Variants in PDE1C observed in about 807,000 individuals in gnomAD.
PDE1C encodes the protein phosphodiesterase 1C.
Under a neutral mutation model 93.1 loss-of-function variants are expected in PDE1C, and 62 were observed. That is an observed-to-expected ratio of 0.67 (90% CI 0.54 to 0.82). The LOEUF (loss-of-function observed/expected upper bound fraction) is 0.82, where lower values mean the gene tolerates loss of function less well. PDE1C is among the 40% of genes least tolerant of loss of function. The pLI, the probability that PDE1C is intolerant of heterozygous loss-of-function variation, is 0.00. For synonymous variants in PDE1C, 325 were observed against 310.1 expected (o/e 1.05, Z -0.50); for missense variants, 742 against 884.6 (o/e 0.84, Z 2.04).
chr7:31,843,793 T>A (rs1230673082), intron 9 of PDE1C, among the ~76,000 whole-genome samples: 1 of 151,852 alleles, frequency 6.6e-6, no homozygotes, highest in Non-Finnish European at 1.5e-5. Flanking sequence ...ATTTTTTGTA[T>A]TATTTATTTT....
rs536784063 is a variant in PDE1C, at chr7:32,278,762, T to C, written c.85+19889A>G. On this transcript the variant is annotated intron_variant, in intron 1 of 18. Transcript: ENST00000396193. ...GCCATGTTGAAAAGGGATGTTCAGA[T>C]ACACAAGCTCTTAAGACACACAGGA... Among the ~76,000 whole-genome samples, 9 of 152,362 alleles carry C rather than the reference T, an allele frequency of 5.9e-5. No homozygotes were observed. In the South Asian group the frequency reaches 1.9e-3, roughly 32 times the overall value.
chr7:32,042,841 C>T (rs960110818), intron 2 of PDE1C, among the ~76,000 whole-genome samples: 3 of 152,166 alleles, frequency 2.0e-5, no homozygotes, highest in African/African-American at 4.8e-5. Context: ...ACCTAGACTT[C>T]CTCCTGGAAG....
chr7:32,191,215 T>G (rs1303937506), intron 2 of PDE1C, among the ~76,000 whole-genome samples: 1 of 152,220 alleles, frequency 6.6e-6, no homozygotes. Context: ...AGAAATAATA[T>G]GGAGATTCCC....
chr7:32,213,608 A>G (rs1806216998), intron 1 of PDE1C, among the ~76,000 whole-genome samples: 1 of 152,184 alleles, frequency 6.6e-6, no homozygotes, highest in Non-Finnish European at 1.5e-5. Context: ...AGGCTTCTCC[A>G]CTGGCACAGG....
At chr7:31,991,388 C>T (rs954085040) in intron 2 of PDE1C, among the ~76,000 whole-genome samples, 22 of 152,148 alleles carry the variant, frequency 1.4e-4, no homozygotes, top group Non-Finnish European at 8.8e-5. Flanking sequence ...CTGAGGCTCT[C>T]GTGCTATACA....
chr7:32,073,228 A>T (rs1409013316), upstream of PDE1C, among the ~76,000 whole-genome samples: 1 of 151,968 alleles, frequency 6.6e-6, no homozygotes, highest in Non-Finnish European at 1.5e-5. Context: ...GAGCAAAAAC[A>T]TTTTTTTTAA....
chr7:32,054,914 C>T (rs1394026218), intron 1 of PDE1C, among the ~76,000 whole-genome samples: 1 of 152,124 alleles, frequency 6.6e-6, no homozygotes, highest in Non-Finnish European at 1.5e-5. Context: ...TGACTGAGCC[C>T]TACTCATCCT....
chr7:31,759,412 G>C (rs80114777), intron 17 of PDE1C, among the ~76,000 whole-genome samples: 2 of 152,146 alleles, frequency 1.3e-5, no homozygotes, highest in South Asian at 4.2e-4. Context: ...TACAATCCCC[G>C]ACCACTAGTG....
At chr7:31,948,323 C>T (rs1374900514) in intron 2 of PDE1C, among the ~76,000 whole-genome samples, 3 of 152,172 alleles carry the variant, frequency 2.0e-5, no homozygotes, top group Non-Finnish European at 4.4e-5. Flanking sequence ...GATATCTTAG[C>T]TGGTTGGCAA....
chr7:31,811,136 CAT>C (rs1438785817), intron 15 of PDE1C, among the ~76,000 whole-genome samples: 1 of 152,056 alleles, frequency 6.6e-6, no homozygotes, highest in Non-Finnish European at 1.5e-5. Flanking sequence ...CAGTTTCCCC[CAT>C]ACTGTTCTTG....
At chr7:32,363,365 C>T (rs1784173095) in intron 1 of PDE1C, among the ~76,000 whole-genome samples, 1 of 152,226 alleles carries the variant, frequency 6.6e-6, no homozygotes, top group African/African-American at 2.4e-5. Flanking sequence ...CAGCAAGTAA[C>T]CAGCAGAGCT....
chr7:31,799,215 C>T (rs1785684179), intron 16 of PDE1C, among the ~76,000 whole-genome samples: 1 of 151,638 alleles, frequency 6.6e-6, no homozygotes, highest in Non-Finnish European at 1.5e-5. Flanking sequence ...ATACATGTGT[C>T]AGTTCTACCC....
intron 3 of PDE1C, among the ~76,000 whole-genome samples, chr7:32,089,193 G>A (rs1302201407): frequency 6.6e-6 from 1 of 152,162 alleles, no homozygotes; most frequent in African/African-American, 2.4e-5. Flanking sequence ...AGTAATAGAA[G>A]TATAGTACTA....
intron 2 of PDE1C, among the ~76,000 whole-genome samples, chr7:31,965,990 G>C (rs562042058): frequency 6.6e-6 from 1 of 152,294 alleles, no homozygotes; most frequent in South Asian, 2.1e-4. Flanking sequence ...ACCAGTACCA[G>C]CCACTGCAAA....
chr7:32,145,234 G>A (rs1011632628), intron 3 of PDE1C, among the ~76,000 whole-genome samples: 1 of 152,166 alleles, frequency 6.6e-6, no homozygotes, highest in African/African-American at 2.4e-5. Context: ...GGAGAGGAAC[G>A]AGGGACCTGA....
the PDE1C span, chr7:31,642,541 A>G: frequency 6.4e-5 from 48 of 750,324 alleles, no homozygotes; most frequent in African/African-American, 8.8e-5. Context: ...ACCTTGGTAA[A>G]GAGGTAAACA....
chr7:32,178,534 A>C (rs1474734989), intron 2 of PDE1C, among the ~76,000 whole-genome samples: 3 of 152,216 alleles, frequency 2.0e-5, no homozygotes, highest in African/African-American at 7.2e-5. Context: ...TTTCTCAATA[A>C]TATCAAAAAC....
chr7:31,638,263 G>T, the PDE1C span, among the ~76,000 whole-genome samples: 5 of 152,154 alleles, frequency 3.3e-5, no homozygotes, highest in Non-Finnish European at 7.4e-5. Flanking sequence ...TATAACAAAG[G>T]CAGTGAAGTC....
At chr7:32,057,450 C>T (rs537417972) in intron 1 of PDE1C, among the ~76,000 whole-genome samples, 3 of 152,338 alleles carry the variant, frequency 2.0e-5, no homozygotes, top group African/African-American at 4.8e-5. Context: ...CCCCCCTCAA[C>T]GGCTTCGGTC....
Sources: gnomAD v4.1 joint callset for allele counts (sites outside exome capture counted in the v4.1 genomes callset) on GRCh38, gnomAD v4.1.1 for gene constraint, MANE v1.5 for transcripts, NCBI Gene and HGNC (gene_info 2026-07-23, HGNC 2026-07-21) for gene names.